Variants in PDE4B observed in about 807,000 individuals in gnomAD.
PDE4B encodes the protein 3',5'-cyclic-AMP phosphodiesterase 4B.
A neutral mutation model predicts 82.2 loss-of-function variants in PDE4B; 20 were observed. That is an observed-to-expected ratio of 0.24 (90% CI 0.17 to 0.35). The LOEUF is 0.35. Ranked by LOEUF, PDE4B falls within the 10% of genes least tolerant of loss-of-function variation. PDE4B has a pLI of 1.00. For synonymous variants in PDE4B, 320 were observed against 318.9 expected (o/e 1.00, Z -0.04); for missense variants, 655 against 907.2 (o/e 0.72, Z 3.57).
intron 3 of PDE4B, among the ~76,000 whole-genome samples, chr1:65,982,406 G>A (rs1012276832): frequency 2.6e-5 from 4 of 152,148 alleles, no homozygotes; most frequent in East Asian, 1.9e-4. Flanking sequence ...TAAGCAAAAC[G>A]TAACCAGAGT....
chr1:65,865,023 G>A (rs1433863528), intron 1 of PDE4B, among the ~76,000 whole-genome samples: 1 of 152,194 alleles, frequency 6.6e-6, no homozygotes, highest in Non-Finnish European at 1.5e-5. Flanking sequence ...GGAGATGGGA[G>A]TTTTATCTAT....
chr1:66,357,612 CAATCCTT>C (rs1042582306), intron 9 of PDE4B, among the ~76,000 whole-genome samples: 15 of 152,004 alleles, frequency 9.9e-5, no homozygotes, highest in African/African-American at 3.6e-4. Flanking sequence ...ATTAGAATCT[CAATCCTT>C]ATAGACTCTT....
At chr1:66,042,176 A>G (rs1201656652) in intron 3 of PDE4B, among the ~76,000 whole-genome samples, 1 of 151,890 alleles carries the variant, frequency 6.6e-6, no homozygotes, top group Non-Finnish European at 1.5e-5. Flanking sequence ...AATTATTTGT[A>G]TAGCTGTTAA....
In PDE4B at chr1:66,373,781, G is replaced by A. The variant is rs1257560684; in HGVS notation, c.*1103G>A. 1 of 152,398 alleles carries A rather than the reference G, an allele frequency of 6.6e-6. No individual in the cohort carries two copies. The highest frequency in any genetic ancestry group is 1.5e-5 in the Non-Finnish European group (1 of 68,020). 9.4% of individuals were successfully genotyped at this position (152,398 alleles called of 1,614,324 possible). A position where few individuals can be genotyped will look rare whatever the true frequency, so the allele number is the denominator to read the frequency against. On this transcript the variant is annotated 3_prime_UTR_variant, in exon 17 of 17. Coordinates refer to ENST00000341517, the MANE Select transcript of PDE4B (RefSeq NM_002600.4). ...TTACGACTTTTTCTTGTAATGTTTT[G>A]TATTGTGTATTATATAACCCAAACG...
At chr1:66,235,294 A>G (rs939474831) in intron 3 of PDE4B, among the ~76,000 whole-genome samples, 1 of 152,198 alleles carries the variant, frequency 6.6e-6, no homozygotes, top group Non-Finnish European at 1.5e-5. Flanking sequence ...TATTTGTTCC[A>G]TCAATTATTG....
At chr1:65,978,188 C>T (rs370579284) in intron 3 of PDE4B, among the ~76,000 whole-genome samples, 2 of 149,882 alleles carry the variant, frequency 1.3e-5, no homozygotes, top group Non-Finnish European at 3.0e-5. Context: ...CCAGCACACC[C>T]GGGTAATTTT....
chr1:66,068,055 G>T (rs1348965635), intron 3 of PDE4B, among the ~76,000 whole-genome samples: 2 of 150,888 alleles, frequency 1.3e-5, no homozygotes, highest in African/African-American at 4.9e-5. Flanking sequence ...TAACAAACCT[G>T]CACGTTGTGC....
intron 3 of PDE4B, among the ~76,000 whole-genome samples, chr1:66,211,873 G>A (rs568051743): frequency 1.3e-5 from 2 of 152,282 alleles, no homozygotes; most frequent in African/African-American, 4.8e-5. Flanking sequence ...CATCCCAGCT[G>A]GCGGATATTC....
At chr1:65,928,524 G>T (rs950677216) in intron 3 of PDE4B, among the ~76,000 whole-genome samples, 5 of 152,110 alleles carry the variant, frequency 3.3e-5, no homozygotes, top group Non-Finnish European at 5.9e-5. Flanking sequence ...GCCACCTCAG[G>T]ATCTAATTAC....
chr1:65,925,395 A>C (rs1647443154), intron 3 of PDE4B, among the ~76,000 whole-genome samples: 1 of 152,188 alleles, frequency 6.6e-6, no homozygotes, highest in Admixed American at 6.5e-5. Context: ...TGTGCAAAAA[A>C]GTATACCTAT....
rs1367348184 is a variant in PDE4B at position 66,066,268 on chromosome 1, ACCCG to A, written c.281+147435_281+147438del. 5.9e-5 allele frequency among the ~76,000 whole-genome samples: 9 copies of A among 151,896 alleles called. No individual in the cohort carries two copies. The East Asian group carries it at 1.5e-3, about 26-fold the overall frequency. Reference sequence around the variant, plus strand: ...TGCACTTAGTAATGAGATAGTCCCTACCCGCAGCCTCCTCCATCCCCTACATTAC... The same window carrying A: ...TGCACTTAGTAATGAGATAGTCCCTACAGCCTCCTCCATCCCCTACATTAC... On this transcript the variant is annotated intron_variant, in intron 3 of 16. Transcript: ENST00000341517.
intron 3 of PDE4B, among the ~76,000 whole-genome samples, chr1:66,118,581 G>A (rs576948485): frequency 5.3e-5 from 8 of 152,188 alleles, no homozygotes; most frequent in Admixed American, 1.3e-4. Flanking sequence ...TGGGGGGAAG[G>A]GGGAGGGATA....
At chr1:66,000,248 G>A (rs1011528578) in intron 3 of PDE4B, among the ~76,000 whole-genome samples, 3 of 152,176 alleles carry the variant, frequency 2.0e-5, no homozygotes, top group Non-Finnish European at 4.4e-5. Flanking sequence ...AGTGTTGTAT[G>A]GGGGAATCTA....
At chr1:66,092,078 C>T (rs927846600) in intron 3 of PDE4B, among the ~76,000 whole-genome samples, 1 of 151,860 alleles carries the variant, frequency 6.6e-6, no homozygotes, top group Admixed American at 6.6e-5. Flanking sequence ...AATGAATGAC[C>T]AGGGCTCAAC....
intron 7 of PDE4B, among the ~76,000 whole-genome samples, chr1:66,277,867 T>C (rs113203852): frequency 0.019 from 2,844 of 152,278 alleles, 75 homozygotes; most frequent in African/African-American, 0.065. Context: ...TGCACTTAGT[T>C]CTAGTTCAAT....
At chr1:66,241,099 G>T (rs539187653) in intron 3 of PDE4B, among the ~76,000 whole-genome samples, 2 of 152,370 alleles carry the variant, frequency 1.3e-5, no homozygotes, top group African/African-American at 4.8e-5. Context: ...CTAGACTTCA[G>T]ATGAGCTGAA....
chr1:66,273,590 ATC>A (rs752787787), intron 7 of PDE4B, among the ~76,000 whole-genome samples: 6 of 152,188 alleles, frequency 3.9e-5, no homozygotes, highest in Admixed American at 3.9e-4. Flanking sequence ...TTATCTCAAA[ATC>A]TCTGTTATTA....
intron 3 of PDE4B, among the ~76,000 whole-genome samples, chr1:66,101,145 T>C (rs1645215444): frequency 6.6e-6 from 1 of 152,178 alleles, no homozygotes; most frequent in Non-Finnish European, 1.5e-5. Context: ...TCCATCTTCC[T>C]AGAAAGGACA....
At chr1:66,192,381 T>C (rs968581970) in intron 3 of PDE4B, among the ~76,000 whole-genome samples, 24 of 152,266 alleles carry the variant, frequency 1.6e-4, no homozygotes, top group Non-Finnish European at 2.6e-4. Context: ...ACCGAACTGA[T>C]CTCAATCTCT....
Sources: gnomAD v4.1 joint callset for allele counts (sites outside exome capture counted in the v4.1 genomes callset) on GRCh38, gnomAD v4.1.1 for gene constraint, MANE v1.5 for transcripts, NCBI Gene and HGNC (gene_info 2026-07-23, HGNC 2026-07-21) for gene names.